RPRD2: variants seen among roughly 807,000 people sequenced by gnomAD.
RPRD2 encodes the protein regulation of nuclear pre-mRNA domain containing 2.
Under a neutral mutation model 104.4 loss-of-function variants are expected in RPRD2, and 12 were observed. That is an observed-to-expected ratio of 0.11 (90% CI 0.07 to 0.19). The LOEUF is 0.19. Ranked by LOEUF, RPRD2 falls within the 10% of genes least tolerant of loss-of-function variation. The pLI is 1.00. For missense variants in RPRD2, 1,543 were observed against 1,790.1 expected (o/e 0.86, Z 2.49); for synonymous variants, 714 against 684.9 (o/e 1.04, Z -0.66).
At chr1:150,388,479 CTATA>C (rs151138923) in intron 1 of RPRD2, among the ~76,000 whole-genome samples, 3 of 128,052 alleles carry the variant, frequency 2.3e-5, no homozygotes, top group African/African-American at 8.3e-5. Flanking sequence ...TACACATACA[CTATA>C]TATATATACC....
chr1:150,453,071 T>G (rs2102393992), intron 7 of RPRD2, among the ~76,000 whole-genome samples: 1 of 151,446 alleles, frequency 6.6e-6, no homozygotes, highest in East Asian at 1.9e-4. Context: ...CTCGTGCTGT[T>G]GCCCAGGCTG....
intron 2 of RPRD2, among the ~76,000 whole-genome samples, chr1:150,422,661 G>C (rs1664851686): frequency 6.6e-6 from 1 of 152,130 alleles, no homozygotes. Flanking sequence ...GGACAGAAAT[G>C]TGGATTTTTA....
intron 2 of RPRD2, among the ~76,000 whole-genome samples, chr1:150,417,962 T>TTTTC (rs782499947): frequency 3.9e-4 from 59 of 151,440 alleles, no homozygotes; most frequent in South Asian, 8.4e-4. Context: ...CCTTCCTTTC[T>TTTTC]TTTCTTTCTT....
chr1:150,430,528 T>C (rs1553891428), intron 2 of RPRD2, among the ~76,000 whole-genome samples: 1 of 151,984 alleles, frequency 6.6e-6, no homozygotes, highest in Non-Finnish European at 1.5e-5. Context: ...TAGGCAGGTG[T>C]GGTGGTGTGT....
At chr1:150,392,287 C>G (rs1305028653) in intron 1 of RPRD2, among the ~76,000 whole-genome samples, 1 of 152,116 alleles carries the variant, frequency 6.6e-6, no homozygotes, top group Non-Finnish European at 1.5e-5. Context: ...GGGTGGATCA[C>G]CTGAGGTCAG....
chr1:150,464,116 TCTC>T (rs1668109368), intron 9 of RPRD2, among the ~76,000 whole-genome samples: 1 of 152,122 alleles, frequency 6.6e-6, no homozygotes, highest in African/African-American at 2.4e-5. Context: ...TTCAAATGAT[TCTC>T]CTGCCTCAGC....
At chr1:150,370,078 G>A (rs1030402401) in intron 1 of RPRD2, among the ~76,000 whole-genome samples, 5 of 151,888 alleles carry the variant, frequency 3.3e-5, no homozygotes, top group African/African-American at 9.7e-5. Flanking sequence ...CACCACGCCC[G>A]GCCAAATTTT....
At chr1:150,388,069 A>G (rs1421010619) in intron 1 of RPRD2, among the ~76,000 whole-genome samples, 1 of 151,626 alleles carries the variant, frequency 6.6e-6, no homozygotes. Context: ...GGGGTGCACT[A>G]GCACGCCCAG....
chr1:150,442,622 C>T (rs1311187252), intron 4 of RPRD2, among the ~76,000 whole-genome samples: 1 of 152,104 alleles, frequency 6.6e-6, no homozygotes, highest in African/African-American at 2.4e-5. Context: ...TGGTTTTGCT[C>T]CAGCGAGCAT....
In RPRD2 at chr1:150,472,401, T is replaced by G; in HGVS notation, c.3453T>G (p.Leu1151=). Reference sequence around the variant, plus strand: ...CAAGTGCCTCTGAGTTGGCATCCCTTGGGGGTGGGGGCAGCGGAGGCCTCA... The same window carrying G: ...CAAGTGCCTCTGAGTTGGCATCCCTGGGGGGTGGGGGCAGCGGAGGCCTCA... ...GPSSASELAS[L]GGGGSGGLTG... Residue 1151 remains leucine, a synonymous_variant, in exon 11 of 11, where the codon CTT becomes CTG. Transcript: ENST00000369068. 1 of 1,613,954 alleles carries G rather than the reference T, an allele frequency of 6.2e-7. No homozygotes were observed. Among genetic ancestry groups the G allele is most frequent in the Non-Finnish European group, 8.5e-7 (1 of 1,179,870 alleles).
rs79343884 is a variant in RPRD2, at chr1:150,414,663, TA to T, written c.206-2924del. ...CGCCAAAGCTATAAAGAAATAACATTAAAAAAAAATCTCCATTGAGTTTAGT... is the reference window on the plus strand; with the variant it reads ...CGCCAAAGCTATAAAGAAATAACATTAAAAAAAATCTCCATTGAGTTTAGT... On this transcript the variant is annotated intron_variant, in intron 1 of 10. Transcript: ENST00000369068. 2.0e-5 allele frequency among the ~76,000 whole-genome samples: 3 copies of T among 151,466 alleles called. No individual in the cohort carries two copies. In the South Asian group the frequency reaches 6.2e-4, roughly 32 times the overall value.
chr1:150,387,833 G>T (rs1358588547), intron 1 of RPRD2, among the ~76,000 whole-genome samples: 1 of 150,154 alleles, frequency 6.7e-6, no homozygotes, highest in Non-Finnish European at 1.5e-5. Flanking sequence ...CAGGTGATTT[G>T]CCTGCCTCGG....
intron 1 of RPRD2, among the ~76,000 whole-genome samples, chr1:150,413,544 G>A (rs889939505): frequency 4.0e-5 from 6 of 151,670 alleles, no homozygotes; most frequent in Non-Finnish European, 7.4e-5. Flanking sequence ...CAGAGGTTGC[G>A]GTAAGCTGAG....
At chr1:150,368,962 A>G (rs1344125627) in intron 1 of RPRD2, among the ~76,000 whole-genome samples, 4 of 152,262 alleles carry the variant, frequency 2.6e-5, no homozygotes, top group East Asian at 1.9e-4. Context: ...TATTTTCAGT[A>G]TATGATATTA....
At chr1:150,445,851 G>A (rs1335353984) in intron 6 of RPRD2, among the ~76,000 whole-genome samples, 5 of 152,036 alleles carry the variant, frequency 3.3e-5, no homozygotes, top group Non-Finnish European at 4.4e-5. Context: ...GGCGGATCAC[G>A]AGGTCAGGAG....
chr1:150,425,253 CTG>C (rs1450299220), intron 2 of RPRD2, among the ~76,000 whole-genome samples: 2 of 152,166 alleles, frequency 1.3e-5, no homozygotes, highest in African/African-American at 4.8e-5. Context: ...AGGAAGATGA[CTG>C]TGCCTACTAC....
chr1:150,459,252 AATTATTC>A (rs143559508), intron 8 of RPRD2, among the ~76,000 whole-genome samples: 2 of 152,324 alleles, frequency 1.3e-5, no homozygotes, highest in African/African-American at 4.8e-5. Flanking sequence ...CATTAAAAAT[AATTATTC>A]AAGGTGATTG....
chr1:150,409,647 CTTT>C (rs10684353), intron 1 of RPRD2, among the ~76,000 whole-genome samples: 1 of 114,608 alleles, frequency 8.7e-6, no homozygotes. Flanking sequence ...TGTTGCAATT[CTTT>C]TTTTTTTTTT....
At chr1:150,368,948 A>G (rs139744233) in intron 1 of RPRD2, among the ~76,000 whole-genome samples, 4 of 152,052 alleles carry the variant, frequency 2.6e-5, no homozygotes, top group African/African-American at 9.7e-5. Context: ...CTGTCACATC[A>G]TCTTATTTTC....
Sources: gnomAD v4.1 joint callset for allele counts (sites outside exome capture counted in the v4.1 genomes callset) on GRCh38, gnomAD v4.1.1 for gene constraint, MANE v1.5 for transcripts, NCBI Gene and HGNC (gene_info 2026-07-23, HGNC 2026-07-21) for gene names.